MYO5B: variants seen among roughly 807,000 people sequenced by gnomAD.
MYO5B encodes the protein myosin VB.
A neutral mutation model predicts 229.3 loss-of-function variants in MYO5B; 143 were observed. The ratio of observed to expected loss-of-function variants is 0.62; its 90% CI spans 0.54 to 0.72. MYO5B has a LOEUF of 0.72. Ranked by LOEUF, MYO5B falls within the 30% of genes least tolerant of loss-of-function variation. The pLI, the probability that MYO5B is intolerant of heterozygous loss-of-function variation, is 0.00. For synonymous variants in MYO5B, 918 were observed against 885.2 expected, an observed-to-expected ratio of 1.04 and a Z score of -0.66; for missense variants, 2,321 against 2,331.0, an observed-to-expected ratio of 1.00 and a Z score of 0.09.
intron 1 of MYO5B, among the ~76,000 whole-genome samples, chr18:50,106,613 C>T: frequency 6.6e-6 from 1 of 152,254 alleles, no homozygotes; most frequent in Non-Finnish European, 1.5e-5. Flanking sequence ...TTCTCATTAT[C>T]TGGCTATTCC....
At chr18:50,148,511 G>C (rs1405751630) in intron 1 of MYO5B, among the ~76,000 whole-genome samples, 1 of 152,112 alleles carries the variant, frequency 6.6e-6, no homozygotes, top group Non-Finnish European at 1.5e-5. Flanking sequence ...TCATCCCTGG[G>C]ATGCAAGGCT....
At chr18:49,848,939 ACTGT>A (rs1036376644) in intron 32 of MYO5B, among the ~76,000 whole-genome samples, 85 of 152,172 alleles carry the variant, frequency 5.6e-4, no homozygotes, top group Non-Finnish European at 1.0e-3. Context: ...TGGGGTCAGG[ACTGT>A]CTAAGACGAG....
Position 50,194,909 on chromosome 18 carries a change from C to T in MYO5B, c.-116G>A. On this transcript the variant is annotated 5_prime_UTR_variant, in exon 1 of 40. Transcript: ENST00000285039. ...CTGGCCTGGAGTTTCTCGATCTTCT[C>T]GCTCTTCTCCGACCTGCCCCGCCGG... 1 of 1,206,172 alleles carries T rather than the reference C, an allele frequency of 8.3e-7. No homozygotes were observed. Among genetic ancestry groups the T allele is most frequent in the Non-Finnish European group, 1.0e-6 (1 of 970,110 alleles). The allele number at this position is 1,206,172 out of a possible 1,614,324, so 74.7% of individuals were successfully genotyped here.
At chr18:50,016,055 G>C (rs1265233305) in intron 4 of MYO5B, among the ~76,000 whole-genome samples, 1 of 152,196 alleles carries the variant, frequency 6.6e-6, no homozygotes, top group Non-Finnish European at 1.5e-5. Context: ...CCAACTGGTA[G>C]AGAAGTGACA....
chr18:50,016,479 G>A (rs896386250), intron 4 of MYO5B, among the ~76,000 whole-genome samples: 2 of 152,070 alleles, frequency 1.3e-5, no homozygotes, highest in Non-Finnish European at 2.9e-5. Flanking sequence ...CAAACTTCTT[G>A]GACAGGATTC....
Position 49,863,276 on chromosome 18 carries a change from C to T in MYO5B, c.3895G>A (p.Asp1299Asn). The change falls in exon 29 of 40, where the codon GAC becomes AAC. Residue 1299 changes from aspartate (D) to asparagine (N), a missense_variant. Coordinates refer to ENST00000285039, the MANE Select transcript of MYO5B (RefSeq NM_001080467.3). ...SSWPNSEKHV[D>N]QEDAIEAYHG... ...TAGGCCTCAATGGCATCCTCCTGGTCAACATGCTTTTCACTGTTAGGCCAA... is the reference window on the plus strand; with the variant it reads ...TAGGCCTCAATGGCATCCTCCTGGTTAACATGCTTTTCACTGTTAGGCCAA... 3 of 1,613,734 alleles carry T rather than the reference C, an allele frequency of 1.9e-6. No homozygotes were observed. Among genetic ancestry groups the T allele is most frequent in the Non-Finnish European group, 2.5e-6 (3 of 1,180,016 alleles).
At chr18:49,847,076 C>G in intron 33 of MYO5B, 70 bp downstream of exon 33, 1 of 1,583,402 alleles carries the variant, frequency 6.3e-7, no homozygotes, top group East Asian at 2.3e-5. Context: ...GGGGGTTGTG[C>G]TGGGGATGGA....
At chr18:50,058,446 G>T (rs764982968) in intron 1 of MYO5B, among the ~76,000 whole-genome samples, 4 of 152,128 alleles carry the variant, frequency 2.6e-5, no homozygotes, top group Admixed American at 1.3e-4. Flanking sequence ...CTCCAGCCTG[G>T]ACAACAAAAT....
chr18:50,144,249 T>C (rs1342787173), intron 1 of MYO5B, among the ~76,000 whole-genome samples: 1 of 152,208 alleles, frequency 6.6e-6, no homozygotes, highest in Non-Finnish European at 1.5e-5. Flanking sequence ...TTTTTCTCTT[T>C]TCTTCCCATG....
At chr18:49,860,585 G>A (rs1183357670) in intron 29 of MYO5B, among the ~76,000 whole-genome samples, 1 of 152,034 alleles carries the variant, frequency 6.6e-6, no homozygotes, top group Non-Finnish European at 1.5e-5. Context: ...ACAGTTATAG[G>A]GACCAAAACA....
chr18:49,961,352 A>T (rs980489974), intron 12 of MYO5B, among the ~76,000 whole-genome samples: 5 of 152,202 alleles, frequency 3.3e-5, no homozygotes, highest in South Asian at 2.1e-4. Flanking sequence ...GTTAAAAAAA[A>T]ATATGCAAGC....
chr18:49,904,885 C>T, intron 19 of MYO5B, 57 bp from the exon 20 acceptor site: 1 of 1,593,728 alleles, frequency 6.3e-7, no homozygotes, highest in South Asian at 1.1e-5. Flanking sequence ...CGCCCTGATG[C>T]AGAGAACCCT....
chr18:49,887,638 T>G (rs2024659227), intron 22 of MYO5B, among the ~76,000 whole-genome samples: 1 of 152,158 alleles, frequency 6.6e-6, no homozygotes, highest in African/African-American at 2.4e-5. Context: ...TATAGAACTG[T>G]GAGTCAATTA....
chr18:49,858,761 C>T (rs1012633953), intron 29 of MYO5B, among the ~76,000 whole-genome samples: 65 of 152,184 alleles, frequency 4.3e-4, no homozygotes, highest in African/African-American at 1.5e-3. Flanking sequence ...AACTGTGCAG[C>T]CCAGGCAGCC....
intron 1 of MYO5B, among the ~76,000 whole-genome samples, chr18:50,171,505 C>T (rs1365637410): frequency 7.9e-6 from 1 of 127,302 alleles, no homozygotes; most frequent in Admixed American, 8.4e-5. Context: ...AAGGTACATT[C>T]AGACGATTAT....
chr18:50,136,334 A>G (rs980942895), intron 1 of MYO5B, among the ~76,000 whole-genome samples: 1 of 149,606 alleles, frequency 6.7e-6, no homozygotes, highest in Non-Finnish European at 1.5e-5. Flanking sequence ...AAGGACATCA[A>G]CTGGATATTT....
chr18:50,048,840 T>C (rs2030313166), intron 2 of MYO5B, among the ~76,000 whole-genome samples: 1 of 151,944 alleles, frequency 6.6e-6, no homozygotes, highest in South Asian at 2.1e-4. Context: ...CTGGCCAATA[T>C]GGTGAAACTC....
chr18:49,947,318 G>A (rs1055459832), intron 14 of MYO5B, among the ~76,000 whole-genome samples: 2 of 151,776 alleles, frequency 1.3e-5, no homozygotes, highest in African/African-American at 4.8e-5. Context: ...TGTTAGCCAG[G>A]ATGGTCTTGA....
chr18:49,924,115 T>C (rs1175109660), intron 17 of MYO5B, among the ~76,000 whole-genome samples: 10 of 152,194 alleles, frequency 6.6e-5, no homozygotes, highest in Non-Finnish European at 1.0e-4. Context: ...TCTAATTGCT[T>C]GAAGAGGTCT....
Sources: allele counts gnomAD v4.1 joint callset (sites outside exome capture counted in the v4.1 genomes callset), GRCh38; gene constraint gnomAD v4.1.1; transcripts MANE v1.5; gene names NCBI Gene and HGNC (gene_info 2026-07-23, HGNC 2026-07-21).